The following WHRN variants were observed in gnomAD, a reference collection of about 807,000 sequenced individuals.
The protein encoded by WHRN is CASK-interacting protein CIP98.
A neutral mutation model predicts 68.3 loss-of-function variants in WHRN; 41 were observed. The ratio of observed to expected loss-of-function variants is 0.60; its 90% CI spans 0.47 to 0.78. WHRN has a LOEUF of 0.78. Ranked by LOEUF, WHRN falls within the 30% of genes least tolerant of loss-of-function variation. The pLI, the probability that WHRN is intolerant of heterozygous loss-of-function variation, is 0.00. For synonymous variants in WHRN, 560 were observed against 561.3 expected (o/e 1.00, Z 0.03); for missense variants, 1,243 against 1,244.7 (o/e 1.00, Z 0.02).
Position 114,460,033 on chromosome 9 carries a change from C to T in WHRN, c.963+6234G>A, listed in dbSNP as rs537448985. Among the ~76,000 whole-genome samples, 3 of 152,262 alleles carry T rather than the reference C, an allele frequency of 2.0e-5. No homozygotes were observed. The South Asian group carries it at 6.2e-4, about 32-fold the overall frequency. On this transcript the variant is annotated intron_variant, in intron 3 of 11. Coordinates refer to ENST00000362057, the MANE Select transcript of WHRN (RefSeq NM_015404.4). The stretch of plus-strand genomic sequence containing the variant: ...AGCCTCAGCCAGGATGGCAGTTGGT[C>T]CCCAGGAGCAGAAATGAAATGTGCT...
Position 114,424,340 on chromosome 9 carries a change from G to A in WHRN, c.1410C>T (p.His470=), listed in dbSNP as rs754745794. 7.8e-5 allele frequency: 126 copies of A among 1,612,114 alleles called. 4 individuals carry two copies. In the South Asian group the frequency reaches 1.3e-3, roughly 16 times the overall value. The change falls in exon 6 of 12, where the codon CAC becomes CAT. Residue 470 remains histidine, a synonymous_variant. Coordinates refer to ENST00000362057, the MANE Select transcript of WHRN (RefSeq NM_015404.4). Reference sequence around the variant, plus strand: ...GAGGCAGGGCACGGGTCACCTTGGCGTGGGTGTTGAGCAGCTTGAACAGGG... The same window carrying A: ...GAGGCAGGGCACGGGTCACCTTGGCATGGGTGTTGAGCAGCTTGAACAGGG... The part of the protein sequence containing the change: ...VMALFKLLNT[H]AKFSLLSEVR...
At chr9:114,419,624 G>A (rs1326463148) in intron 7 of WHRN, among the ~76,000 whole-genome samples, 2 of 152,348 alleles carry the variant, frequency 1.3e-5, no homozygotes, top group African/African-American at 2.4e-5. Flanking sequence ...GGCAGCTTCT[G>A]AGCTGAGGGC....
At chr9:114,430,793 G>A (rs550320946) in intron 3 of WHRN, among the ~76,000 whole-genome samples, 37 of 152,292 alleles carry the variant, frequency 2.4e-4, no homozygotes, top group African/African-American at 7.2e-4. Context: ...TACTGGGGAC[G>A]TGTAAGCCCA....
intron 3 of WHRN, among the ~76,000 whole-genome samples, chr9:114,436,849 TAAATAA>T (rs1837902786): frequency 6.6e-6 from 1 of 151,644 alleles, no homozygotes; most frequent in East Asian, 1.9e-4. Context: ...ATAAATAAAA[TAAATAA>T]ATCAATTTTA....
chr9:114,466,756 C>T (rs1840734966), intron 2 of WHRN, among the ~76,000 whole-genome samples: 1 of 152,236 alleles, frequency 6.6e-6, no homozygotes, highest in Admixed American at 6.5e-5. Context: ...AGGCTTCAGT[C>T]GGGGGGTGAC....
At chr9:114,408,978 C>T (rs560435398) in intron 7 of WHRN, among the ~76,000 whole-genome samples, 12 of 152,358 alleles carry the variant, frequency 7.9e-5, no homozygotes, top group South Asian at 4.1e-4. Context: ...GACACCGGAG[C>T]TCATGGTTAT....
intron 3 of WHRN, among the ~76,000 whole-genome samples, chr9:114,444,913 C>G (rs1233093171): frequency 6.6e-6 from 1 of 152,002 alleles, no homozygotes; most frequent in Non-Finnish European, 1.5e-5. Context: ...ATATTATATT[C>G]CATGTAGACA....
At chr9:114,489,499 C>T (rs1352254500) in intron 1 of WHRN, among the ~76,000 whole-genome samples, 1 of 117,642 alleles carries the variant, frequency 8.5e-6, no homozygotes, top group African/African-American at 3.2e-5. Context: ...CGTACACACA[C>T]ACACGCACAC....
chr9:114,482,771 G>A (rs1842192345), intron 1 of WHRN, among the ~76,000 whole-genome samples: 1 of 152,158 alleles, frequency 6.6e-6, no homozygotes, highest in Admixed American at 6.5e-5. Context: ...AATCCTCTTG[G>A]TCAGTTCTAT....
chr9:114,496,925 G>T (rs2133382041), intron 1 of WHRN, among the ~76,000 whole-genome samples: 1 of 152,320 alleles, frequency 6.6e-6, no homozygotes, highest in South Asian at 2.1e-4. Flanking sequence ...GGACAGGAAA[G>T]GTTCACCTCT....
At chr9:114,479,823 G>A (rs972145088) in intron 1 of WHRN, among the ~76,000 whole-genome samples, 3 of 152,194 alleles carry the variant, frequency 2.0e-5, no homozygotes, top group African/African-American at 7.2e-5. Flanking sequence ...AGCACTTTGG[G>A]AGGCTGAGGC....
chr9:114,440,310 T>G (rs1427841618), intron 3 of WHRN, among the ~76,000 whole-genome samples: 2 of 152,226 alleles, frequency 1.3e-5, no homozygotes, highest in Admixed American at 1.3e-4. Context: ...AATCTTGGCT[T>G]GCTGCAACCT....
intron 1 of WHRN, among the ~76,000 whole-genome samples, chr9:114,484,224 C>T (rs13286280): frequency 0.41 from 63,055 of 152,070 alleles, 14,879 homozygotes; most frequent in East Asian, 0.62. Flanking sequence ...TCCGAGGCCA[C>T]GGCTGTGTCC....
At chr9:114,405,070 CTTTTTTTTT>C (rs34172199) in intron 9 of WHRN, among the ~76,000 whole-genome samples, 5 of 109,204 alleles carry the variant, frequency 4.6e-5, no homozygotes, top group African/African-American at 6.8e-5. Flanking sequence ...CTCTCTCTCT[CTTTTTTTTT>C]TTTTTTTTTT....
intron 1 of WHRN, among the ~76,000 whole-genome samples, chr9:114,481,167 A>C (rs1432925847): frequency 6.6e-6 from 1 of 152,194 alleles, no homozygotes; most frequent in Non-Finnish European, 1.5e-5. Flanking sequence ...CAAAGACAGG[A>C]GGGAGCCCTG....
intron 7 of WHRN, among the ~76,000 whole-genome samples, chr9:114,410,989 A>G (rs547408710): frequency 6.6e-6 from 1 of 152,344 alleles, no homozygotes; most frequent in Non-Finnish European, 1.5e-5. Context: ...CCTCTGTAAA[A>G]TAGGTTAACA....
At chr9:114,449,746 T>C (rs1224052559) in intron 3 of WHRN, among the ~76,000 whole-genome samples, 8 of 152,182 alleles carry the variant, frequency 5.3e-5, no homozygotes, top group Admixed American at 4.6e-4. Flanking sequence ...TCATCATCAA[T>C]GTCAATTCAT....
At chr9:114,421,843 T>C (rs1023374992) in intron 7 of WHRN, among the ~76,000 whole-genome samples, 1 of 152,168 alleles carries the variant, frequency 6.6e-6, no homozygotes, top group Admixed American at 6.5e-5. Flanking sequence ...GCTGCAGCCA[T>C]GTCCAGCCCT....
At position 114,455,215 on chromosome 9, in the gene WHRN, T is replaced by TTTTGTTTG. The variant is rs56173305; in HGVS notation, c.963+11044_963+11051dup. ...AAAATTCTTGCTCTGCAAAAGATAC[T>TTTTGTTTG]TTTGTTTGTTTGTTTGTTTTGAGAC... On this transcript the variant is annotated intron_variant, in intron 3 of 11. Transcript: ENST00000362057. Among the ~76,000 whole-genome samples the TTTTGTTTG allele has an allele frequency of 4.3e-3, 644 of 151,078 alleles. 4 individuals carry two copies. Among genetic ancestry groups the TTTTGTTTG allele is most frequent in the African/African-American group, 7.1e-3 (294 of 41,144 alleles).
Sources: gnomAD v4.1 joint callset for allele counts (sites outside exome capture counted in the v4.1 genomes callset) on GRCh38, gnomAD v4.1.1 for gene constraint, MANE v1.5 for transcripts, NCBI Gene and HGNC (gene_info 2026-07-23, HGNC 2026-07-21) for gene names.